NEXMIF: variants seen among roughly 807,000 people sequenced by gnomAD.
NEXMIF encodes the protein neurite extension and migration factor, also known as XLMR protein related to neurite extension.
NEXMIF carries 8 observed loss-of-function variants against 62.1 expected under a neutral mutation model. The ratio of observed to expected loss-of-function variants is 0.13; its 90% confidence interval spans 0.08 to 0.23. NEXMIF has a LOEUF of 0.23. NEXMIF is among the 10% of genes least tolerant of loss of function. NEXMIF has a pLI of 1.00. For missense variants in NEXMIF, 976 were observed against 1,113.3 expected, an observed-to-expected ratio of 0.88 and a Z score of 1.75; for synonymous variants, 404 against 416.6, an observed-to-expected ratio of 0.97 and a Z score of 0.37.
chrX:74,907,334 A>ACCCCCCCCCC (rs56726810), intron 1 of NEXMIF, among the ~76,000 whole-genome samples: 8 of 53,035 alleles, frequency 1.5e-4, no homozygotes, highest in Non-Finnish European at 2.8e-4. Context: ...AAGCAAGAGC[A>ACCCCCCCCCC]CCCCCCCCCC....
intron 1 of NEXMIF, among the ~76,000 whole-genome samples, chrX:74,873,994 G>T (rs1335456939): frequency 9.0e-6 from 1 of 111,274 alleles, no homozygotes; most frequent in African/African-American, 3.3e-5. Context: ...CTCTTTGGTT[G>T]AATTAGATCC....
intron 1 of NEXMIF, among the ~76,000 whole-genome samples, chrX:74,776,727 CAAAAAAA>C (rs35129554): frequency 3.1e-5 from 2 of 64,828 alleles, no homozygotes; most frequent in Admixed American, 2.1e-4. Flanking sequence ...AACTCAGTCT[CAAAAAAA>C]AAAAAAAAAA....
At chrX:74,893,462 G>A (rs1485891061) in intron 1 of NEXMIF, among the ~76,000 whole-genome samples, 1 of 112,045 alleles carries the variant, frequency 8.9e-6, no homozygotes, top group African/African-American at 3.2e-5. Flanking sequence ...GGTAAGTCCT[G>A]TACAGACTGT....
Position 74,735,247 on chromosome X carries a change from T to C in NEXMIF, c.*4158A>G, listed in dbSNP as rs913753061. On this transcript the variant is annotated 3_prime_UTR_variant, in exon 4 of 4. Transcript: ENST00000055682. ...AAATAAACATTTCTATTTCTAGCAA[T>C]AGTTAGGACTAGCTAGTGCTCCATT... 1.6e-4 allele frequency: 18 copies of C among 111,658 alleles called. No individual in the cohort carries two copies. Among genetic ancestry groups the C allele is most frequent in the Non-Finnish European group, 1.3e-4 (7 of 53,152 alleles). 9.2% of individuals were successfully genotyped at this position (111,658 alleles called of 1,213,427 possible). A position where few individuals can be genotyped will look rare whatever the true frequency, so the allele number is the denominator to read the frequency against.
chrX:74,774,685 G>T (rs2080223513), intron 1 of NEXMIF, among the ~76,000 whole-genome samples: 1 of 111,462 alleles, frequency 9.0e-6, no homozygotes, highest in Non-Finnish European at 1.9e-5. Context: ...TGATGATATT[G>T]CTGACTATAT....
chrX:74,869,087 T>C (rs1177579534), intron 1 of NEXMIF, among the ~76,000 whole-genome samples: 2 of 111,467 alleles, frequency 1.8e-5, no homozygotes, highest in Admixed American at 9.5e-5. Flanking sequence ...CTCAACAATA[T>C]ACTAGCAAAG....
chrX:74,832,914 T>C (rs1401282014), intron 1 of NEXMIF, among the ~76,000 whole-genome samples: 2 of 112,085 alleles, frequency 1.8e-5, no homozygotes, highest in African/African-American at 3.2e-5. Flanking sequence ...TTCCATGTGT[T>C]TGTATAGTTT....
In NEXMIF at chrX:74,887,652, T is replaced by C. The variant is rs1370597784; in HGVS notation, c.-48+37231A>G. On this transcript the variant is annotated intron_variant, in intron 1 of 3. Transcript: ENST00000055682. Reference sequence around the variant, plus strand: ...CATTAAAAAGTCAGGAAACAACAGGTGCTGGAGAGGATGTGGAGAAATAGG... The same window carrying C: ...CATTAAAAAGTCAGGAAACAACAGGCGCTGGAGAGGATGTGGAGAAATAGG... 5.4e-5 allele frequency among the ~76,000 whole-genome samples: 6 copies of C among 110,506 alleles called. No homozygotes were observed. The East Asian group carries it at 1.7e-3, about 32-fold the overall frequency.
intron 1 of NEXMIF, among the ~76,000 whole-genome samples, chrX:74,788,433 C>T (rs2080267422): frequency 9.0e-6 from 1 of 111,346 alleles, no homozygotes; most frequent in African/African-American, 3.3e-5. Flanking sequence ...TTAGGTTGAT[C>T]TCTGACAACA....
chrX:74,811,113 A>G (rs756177609), intron 1 of NEXMIF, among the ~76,000 whole-genome samples: 1 of 112,250 alleles, frequency 8.9e-6, no homozygotes, highest in South Asian at 3.7e-4. Flanking sequence ...AAGAGCCCAT[A>G]GTAAGTATCA....
chrX:74,753,363 T>C (rs760034127), intron 1 of NEXMIF, among the ~76,000 whole-genome samples: 40 of 111,944 alleles, frequency 3.6e-4, no homozygotes, highest in Non-Finnish European at 5.4e-4. Context: ...CAGTGTTACA[T>C]AGTGATTTGG....
At chrX:74,890,663 C>T (rs2080714836) in intron 1 of NEXMIF, among the ~76,000 whole-genome samples, 1 of 111,791 alleles carries the variant, frequency 8.9e-6, no homozygotes, top group Admixed American at 9.5e-5. Flanking sequence ...CCCTCCATGG[C>T]TACGCTTGGG....
rs2080093006 is a variant in NEXMIF at position 74,738,879 on chromosome X, AACATAT to A, written c.*520_*525del. 1 of 108,637 alleles carries A rather than the reference AACATAT, an allele frequency of 9.2e-6. No individual in the cohort carries two copies. The highest frequency in any genetic ancestry group is 1.9e-5 in the Non-Finnish European group (1 of 52,218). The allele number at this position is 108,637 out of a possible 1,213,427, so 9.0% of individuals were successfully genotyped here. ...ATATACACACACACACACACACACA[AACATAT>A]ACATATATATGTTTGGGTGTGTATA... On this transcript the variant is annotated 3_prime_UTR_variant, in exon 4 of 4. Coordinates refer to ENST00000055682, the MANE Select transcript of NEXMIF (RefSeq NM_001008537.3).
chrX:74,814,922 A>AC (rs1242228789), intron 1 of NEXMIF, among the ~76,000 whole-genome samples: 1 of 111,539 alleles, frequency 9.0e-6, no homozygotes. Context: ...TTCCAGACAG[A>AC]CCCCCCAGAG....
chrX:74,796,231 T>TATACATATATA (rs2080309855), intron 1 of NEXMIF, among the ~76,000 whole-genome samples: 15 of 53,303 alleles, frequency 2.8e-4, no homozygotes, highest in Non-Finnish European at 4.4e-4. Flanking sequence ...ACATATATAA[T>TATACATATATA]ATATATATAT....
Position 74,781,901 on chromosome X carries a change from T to G in NEXMIF, c.-47-36204A>C, listed in dbSNP as rs182648495. On this transcript the variant is annotated intron_variant, in intron 1 of 3. Coordinates refer to ENST00000055682, the MANE Select transcript of NEXMIF (RefSeq NM_001008537.3). ...AGGGTGTGGTGTAGCTCAGTTTAGT[T>G]GAGGCCAGTGGTTTTTCAATATTTG... Among the ~76,000 whole-genome samples, 361 of 111,559 alleles carry G rather than the reference T, an allele frequency of 3.2e-3. 2 individuals carry two copies. Among genetic ancestry groups the G allele is most frequent in the African/African-American group, 0.011 (345 of 30,730 alleles).
At chrX:74,854,830 A>C (rs2080528900) in intron 1 of NEXMIF, among the ~76,000 whole-genome samples, 1 of 111,972 alleles carries the variant, frequency 8.9e-6, no homozygotes, top group Non-Finnish European at 1.9e-5. Flanking sequence ...GAGTTACAAA[A>C]ATAAAATACC....
At chrX:74,879,891 G>C (rs1166396770) in intron 1 of NEXMIF, among the ~76,000 whole-genome samples, 2 of 111,568 alleles carry the variant, frequency 1.8e-5, no homozygotes, top group Non-Finnish European at 3.8e-5. Context: ...ATCACCTAAC[G>C]CTTGGGATTA....
intron 1 of NEXMIF, among the ~76,000 whole-genome samples, chrX:74,906,597 G>A (rs982791147): frequency 3.3e-4 from 36 of 110,135 alleles, no homozygotes; most frequent in African/African-American, 1.1e-3. Context: ...CTTCCAAGGC[G>A]GCTGTTATAA....
Sources: allele counts gnomAD v4.1 joint callset (sites outside exome capture counted in the v4.1 genomes callset), GRCh38; gene constraint gnomAD v4.1.1; transcripts MANE v1.5; gene names NCBI Gene and HGNC (gene_info 2026-07-23, HGNC 2026-07-21).